TMEM132D: variants seen among roughly 807,000 people sequenced by gnomAD.
The protein encoded by TMEM132D is transmembrane protein 132D.
A neutral mutation model predicts 62.3 loss-of-function variants in TMEM132D; 21 were observed. That is an observed-to-expected ratio of 0.34 (90% CI 0.24 to 0.49). The LOEUF is 0.49. Among genes scored for constraint, TMEM132D ranks in the 20% least tolerant of loss-of-function variants. The pLI is 0.99. For synonymous variants in TMEM132D, 621 were observed against 575.6 expected (o/e 1.08, Z -1.13); for missense variants, 1,346 against 1,402.8 (o/e 0.96, Z 0.65).
At chr12:129,815,205 T>G (rs1167387835) in intron 1 of TMEM132D, among the ~76,000 whole-genome samples, 1 of 152,198 alleles carries the variant, frequency 6.6e-6, no homozygotes, top group African/African-American at 2.4e-5. Context: ...GATGGATTCA[T>G]ACGCAGCTAT....
At chr12:129,141,303 T>C (rs369799595) in intron 5 of TMEM132D, among the ~76,000 whole-genome samples, 5 of 152,172 alleles carry the variant, frequency 3.3e-5, no homozygotes, top group Non-Finnish European at 7.3e-5. Flanking sequence ...TTTTAGACTT[T>C]GGGGACACAA....
chr12:129,751,620 AT>A (rs1870004736), intron 1 of TMEM132D, among the ~76,000 whole-genome samples: 1 of 152,198 alleles, frequency 6.6e-6, no homozygotes, highest in Non-Finnish European at 1.5e-5. Context: ...TTTGGAAGGC[AT>A]TTGCTTTGGG....
At chr12:129,358,769 A>G (rs972994856) in intron 3 of TMEM132D, among the ~76,000 whole-genome samples, 7 of 152,174 alleles carry the variant, frequency 4.6e-5, no homozygotes, top group African/African-American at 1.4e-4. Context: ...GTGAACCCCA[A>G]TGAAGAATGG....
In TMEM132D at chr12:129,419,828, A is replaced by G. The variant is rs189036083; in HGVS notation, c.1116-82011T>C. On this transcript the variant is annotated intron_variant, in intron 3 of 8. Coordinates refer to ENST00000422113, the MANE Select transcript of TMEM132D (RefSeq NM_133448.3). ...TATGGCCTTTTGTTTTAGATGTGGCAAGTTATGTTTAGAGATTTCATATAA... is the reference window on the plus strand; with the variant it reads ...TATGGCCTTTTGTTTTAGATGTGGCGAGTTATGTTTAGAGATTTCATATAA... Among the ~76,000 whole-genome samples the G allele has an allele frequency of 9.8e-4, 149 of 152,168 alleles. 1 individual carries two copies. In the East Asian group the frequency reaches 0.027, roughly 27 times the overall value.
chr12:129,301,559 C>T (rs1052536607), intron 4 of TMEM132D, among the ~76,000 whole-genome samples: 1 of 152,154 alleles, frequency 6.6e-6, no homozygotes, highest in Non-Finnish European at 1.5e-5. Context: ...AACTCACACA[C>T]ATGTAGGCAA....
At chr12:129,699,775 G>A (rs1315158290) in intron 2 of TMEM132D, 35 bp downstream of exon 2, 3 of 1,599,470 alleles carry the variant, frequency 1.9e-6, no homozygotes, top group African/African-American at 2.7e-5. Context: ...CCTGATCGAC[G>A]GGCGGGTACA....
chr12:129,491,406 G>A (rs986511258), intron 3 of TMEM132D, among the ~76,000 whole-genome samples: 4 of 152,176 alleles, frequency 2.6e-5, no homozygotes, highest in Admixed American at 2.0e-4. Context: ...CCAGTTTCCA[G>A]CCACCCTTGC....
intron 1 of TMEM132D, among the ~76,000 whole-genome samples, chr12:129,723,408 G>T (rs1868915157): frequency 6.6e-6 from 1 of 152,180 alleles, no homozygotes; most frequent in Non-Finnish European, 1.5e-5. Flanking sequence ...CACCCAGGAA[G>T]CCGTCCTCTA....
intron 3 of TMEM132D, among the ~76,000 whole-genome samples, chr12:129,418,466 A>G (rs1365171707): frequency 6.6e-6 from 1 of 152,160 alleles, no homozygotes; most frequent in Non-Finnish European, 1.5e-5. Context: ...AGGAACAGAA[A>G]ACCAAACACC....
intron 2 of TMEM132D, among the ~76,000 whole-genome samples, chr12:129,642,306 C>A (rs992542090): frequency 1.3e-5 from 2 of 152,234 alleles, no homozygotes; most frequent in African/African-American, 4.8e-5. Flanking sequence ...AGGCCAAGGG[C>A]CCTGGCAGGC....
intron 2 of TMEM132D, among the ~76,000 whole-genome samples, chr12:129,615,447 A>C (rs1246573925): frequency 3.4e-5 from 5 of 145,920 alleles, no homozygotes; most frequent in African/African-American, 5.2e-5. Context: ...TAAATTATAT[A>C]AAAAAAAAAG....
intron 3 of TMEM132D, among the ~76,000 whole-genome samples, chr12:129,395,734 T>C (rs770855540): frequency 6.7e-6 from 1 of 149,560 alleles, no homozygotes; most frequent in African/African-American, 2.4e-5. Flanking sequence ...TACATGTACA[T>C]AGATATCTAT....
chr12:129,086,201 C>CGCGTGTGTGT (rs1349816832), intron 5 of TMEM132D, among the ~76,000 whole-genome samples: 11 of 141,034 alleles, frequency 7.8e-5, no homozygotes, highest in African/African-American at 2.8e-4. Flanking sequence ...CACGCGCGCG[C>CGCGTGTGTGT]GTGTGTGTGT....
intron 8 of TMEM132D, among the ~76,000 whole-genome samples, chr12:129,076,280 TGAGA>T (rs903047294): frequency 2.6e-5 from 4 of 152,050 alleles, no homozygotes; most frequent in Admixed American, 6.6e-5. Context: ...AAAACACAGG[TGAGA>T]GAGAGAGTGG....
chr12:129,429,203 G>T (rs1324069195), intron 3 of TMEM132D, among the ~76,000 whole-genome samples: 1 of 152,078 alleles, frequency 6.6e-6, no homozygotes, highest in Non-Finnish European at 1.5e-5. Context: ...CTTCAAGTTG[G>T]CCTGACCAAG....
chr12:129,354,551 T>C (rs1338005061), intron 3 of TMEM132D, among the ~76,000 whole-genome samples: 2 of 152,144 alleles, frequency 1.3e-5, no homozygotes, highest in Non-Finnish European at 2.9e-5. Flanking sequence ...CTCAAACTCC[T>C]GACTTTGTGA....
chr12:129,711,837 A>C (rs1405464206), intron 1 of TMEM132D, among the ~76,000 whole-genome samples: 2 of 149,044 alleles, frequency 1.3e-5, no homozygotes, highest in East Asian at 3.9e-4. Flanking sequence ...ATAAAGGATT[A>C]TAAAAAATCC....
chr12:129,865,877 TGGATTTGAACCAGAAGTCA>T (rs1417079377), intron 1 of TMEM132D, among the ~76,000 whole-genome samples: 1 of 152,178 alleles, frequency 6.6e-6, no homozygotes, highest in Non-Finnish European at 1.5e-5. Context: ...TCAAGAAGCC[TGGATTTGAACCAGAAGTCA>T]GGCTCCAGAG....
At chr12:129,424,985 A>G (rs1373488434) in intron 3 of TMEM132D, among the ~76,000 whole-genome samples, 1 of 151,890 alleles carries the variant, frequency 6.6e-6, no homozygotes, top group African/African-American at 2.4e-5. Context: ...TAATCAATCT[A>G]CTTTCTGTCT....
Sources: gnomAD v4.1 joint callset for allele counts (sites outside exome capture counted in the v4.1 genomes callset) on GRCh38, gnomAD v4.1.1 for gene constraint, MANE v1.5 for transcripts, NCBI Gene and HGNC (gene_info 2026-07-23, HGNC 2026-07-21) for gene names.